Variants in LRRC8A observed in about 807,000 individuals in gnomAD.
LRRC8A encodes the protein volume-regulated anion channel subunit LRRC8A.
In LRRC8A, 24 loss-of-function variants were observed where a neutral mutation model predicts 52.5. That is an observed-to-expected ratio of 0.46 (90% CI 0.33 to 0.64). The LOEUF is 0.64. Among genes scored for constraint, LRRC8A ranks in the 30% least tolerant of loss-of-function variants. The pLI is 0.02. For missense variants in LRRC8A, 677 were observed against 1,094.7 expected (o/e 0.62, Z 5.38); for synonymous variants, 492 against 494.2 (o/e 1.00, Z 0.06).
chr9:128,910,323 G>A lies in LRRC8A; in HGVS notation c.2157+1002G>A, dbSNP rs554513875. Among the ~76,000 whole-genome samples, 3 of 152,302 alleles carry A rather than the reference G, an allele frequency of 2.0e-5. No individual in the cohort carries two copies. The South Asian group carries it at 6.2e-4, about 32-fold the overall frequency. ...CCCAGCCAGCCACCCTTCTGCCCCC[G>A]ACACAGCAGCAGCTGTCGTGCCGGG... On this transcript the variant is annotated intron_variant, in intron 3 of 3. Coordinates refer to ENST00000372600, the MANE Select transcript of LRRC8A (RefSeq NM_019594.4).
At chr9:128,913,145 G>A (rs1048664801) in intron 3 of LRRC8A, among the ~76,000 whole-genome samples, 8 of 152,140 alleles carry the variant, frequency 5.3e-5, no homozygotes, top group African/African-American at 1.9e-4. Flanking sequence ...GGCGAGGCCA[G>A]AGCGTGGGGC....
intron 3 of LRRC8A, chr9:128,912,641 T>A (rs1041380739): frequency 3.3e-5 from 5 of 152,272 alleles, no homozygotes; most frequent in African/African-American, 1.2e-4. Context: ...CAAGCAAGTG[T>A]TTACCGAATT....
At chr9:128,915,526 C>G (rs1349132859) in intron 3 of LRRC8A, among the ~76,000 whole-genome samples, 1 of 152,140 alleles carries the variant, frequency 6.6e-6, no homozygotes, top group Non-Finnish European at 1.5e-5. Context: ...GGGGTTTCAC[C>G]GTGTTAGCCA....
chr9:128,890,380 C>T lies in LRRC8A; in HGVS notation c.-9+4259C>T, dbSNP rs576878262. On this transcript the variant is annotated intron_variant, in intron 2 of 3. Transcript: ENST00000372600. ...TTAAATTGCTTGCTGCAATCTAAGC[C>T]TCACGCCTAGAGCAATGTTCCAGTG... is the stretch of plus-strand genomic sequence containing the variant. 5.9e-5 allele frequency among the ~76,000 whole-genome samples: 9 copies of T among 152,306 alleles called. No homozygotes were observed. The East Asian group carries it at 1.7e-3, about 29-fold the overall frequency.
chr9:128,886,572 G>A (rs1055232757), intron 2 of LRRC8A, among the ~76,000 whole-genome samples: 37 of 152,208 alleles, frequency 2.4e-4, no homozygotes, highest in African/African-American at 8.9e-4. Context: ...TCAGGATTGA[G>A]CTGATCACGA....
Position 128,908,739 on chromosome 9 carries a change from C to G in LRRC8A, c.1575C>G (p.Gly525=). Residue 525 remains glycine (G), a synonymous_variant, in exon 3 of 4, where the codon GGC becomes GGG. Coordinates refer to ENST00000372600, the MANE Select transcript of LRRC8A (RefSeq NM_019594.4). The stretch of plus-strand genomic sequence containing the variant: ...CACTGGAGGAGCTGCACCTGACGGG[C>G]AACCTGAGCGCGGAGAACAACCGCT... ...LKTLEELHLT[G]NLSAENNRYI... 3 of 1,613,216 alleles carry G rather than the reference C, an allele frequency of 1.9e-6. No homozygotes were observed. Among genetic ancestry groups the G allele is most frequent in the Non-Finnish European group, 2.5e-6 (3 of 1,180,044 alleles).
chr9:128,912,333 G>A lies in LRRC8A; in HGVS notation c.2157+3012G>A, dbSNP rs1199528316. 5.3e-5 allele frequency among the ~76,000 whole-genome samples: 8 copies of A among 152,178 alleles called. No homozygotes were observed. The South Asian group carries it at 1.0e-3, about 20-fold the overall frequency. On this transcript the variant is annotated intron_variant, in intron 3 of 3. Coordinates refer to ENST00000372600, the MANE Select transcript of LRRC8A (RefSeq NM_019594.4). ...GAGGCAGTTAGCACAGTGCGTAGGC[G>A]CTCTGCTGGAGCACCAGGTCCCTGG...
chr9:128,896,812 CCT>C, intron 2 of LRRC8A, among the ~76,000 whole-genome samples: 1 of 152,270 alleles, frequency 6.6e-6, no homozygotes, highest in East Asian at 1.9e-4. Context: ...ACCTCCGCCC[CCT>C]GAGTTCAAGG....
In LRRC8A at chr9:128,909,300, C is replaced by G; in HGVS notation, c.2136C>G (p.Asn712Lys). 6.2e-7 allele frequency: 1 copy of G among 1,613,436 alleles called. No homozygotes were observed. Among genetic ancestry groups the G allele is most frequent in the Non-Finnish European group, 8.5e-7 (1 of 1,179,974 alleles). ...TCGGCCTCCTGCAGAACCTCCAGAA[C>G]CTAGCCATCACGGCCAACCGGGTGA... ...ADIGLLQNLQ[N>K]LAITANRIET... Residue 712 changes from asparagine (N) to lysine (K), a missense_variant, in exon 3 of 4, where the codon AAC (asparagine) becomes AAG (lysine). This residue lies in a region of LRRC8A where 169 missense variants were observed against 217.6 expected (regional missense o/e 0.78). Transcript: ENST00000372600.
At chr9:128,890,491 C>T (rs76703183) in intron 2 of LRRC8A, among the ~76,000 whole-genome samples, 3,119 of 152,274 alleles carry the variant, frequency 0.02, 114 homozygotes, top group African/African-American at 0.071. Context: ...CGCCCTCTGA[C>T]GGGCAGCATG....
intron 2 of LRRC8A, among the ~76,000 whole-genome samples, chr9:128,905,456 C>T (rs1435777789): frequency 6.6e-6 from 1 of 152,194 alleles, no homozygotes; most frequent in East Asian, 1.9e-4. Flanking sequence ...CTGCGTGCCT[C>T]CTGTGTAGCA....
At chr9:128,913,246 G>A (rs1840639851) in intron 3 of LRRC8A, among the ~76,000 whole-genome samples, 1 of 152,176 alleles carries the variant, frequency 6.6e-6, no homozygotes, top group Non-Finnish European at 1.5e-5. Flanking sequence ...AGAGTGAGGA[G>A]AGAGACAGCG....
chr9:128,886,521 C>A (rs929567176), intron 2 of LRRC8A, among the ~76,000 whole-genome samples: 2 of 152,174 alleles, frequency 1.3e-5, no homozygotes, highest in Non-Finnish European at 2.9e-5. Flanking sequence ...TCTTGTTATC[C>A]TTGCTGCAGG....
chr9:128,891,552 T>C (rs894401008), intron 2 of LRRC8A, among the ~76,000 whole-genome samples: 13 of 152,024 alleles, frequency 8.6e-5, no homozygotes, highest in Non-Finnish European at 4.4e-5. Context: ...CAGCGCAAGA[T>C]CCTGTCTCAA....
intron 2 of LRRC8A, among the ~76,000 whole-genome samples, chr9:128,898,266 G>T (rs915823580): frequency 6.6e-6 from 1 of 152,030 alleles, no homozygotes; most frequent in African/African-American, 2.4e-5. Context: ...TGTCGCCCAG[G>T]CTGGAGGGCA....
intron 2 of LRRC8A, among the ~76,000 whole-genome samples, chr9:128,904,187 C>G (rs77400689): frequency 6.6e-6 from 1 of 152,150 alleles, no homozygotes; most frequent in East Asian, 1.9e-4. Flanking sequence ...AATCTAGGTT[C>G]TGGGTTACAG....
At position 128,899,527 on chromosome 9, in the gene LRRC8A, G is replaced by A. The variant is rs181315302; in HGVS notation, c.-8-7630G>A. On this transcript the variant is annotated intron_variant, in intron 2 of 3. Transcript: ENST00000372600. The surrounding 1 kb of genome is among the most constrained non-coding windows in gnomAD (Gnocchi z 4.0). ...GGCAGAAGACTTCTGTCTCTGAGCC[G>A]GTTTCCGTGGTTATAAAATGGACAC... is the stretch of plus-strand genomic sequence containing the variant. 1.6e-3 allele frequency among the ~76,000 whole-genome samples: 240 copies of A among 151,930 alleles called. 2 individuals are homozygous for A. The highest frequency in any genetic ancestry group is 0.014 in the Middle Eastern group (4 of 294).
chr9:128,916,474 C>A lies in LRRC8A; in HGVS notation c.*103C>A. On this transcript the variant is annotated 3_prime_UTR_variant, in exon 4 of 4. Coordinates refer to ENST00000372600, the MANE Select transcript of LRRC8A (RefSeq NM_019594.4). This position sits in a 1 kb window ranked among gnomAD's most constrained non-coding sequence, Gnocchi z 6.1. ...CAGAACTCCCGGACAGCCAGGACAG[C>A]CTCGTGGCTGGGCAGGAGCCTGGGG... 7.1e-7 allele frequency: 1 copy of A among 1,403,260 alleles called. No homozygotes were observed. 86.9% of individuals were successfully genotyped at this position (1,403,260 alleles called of 1,614,324 possible).
intron 2 of LRRC8A, among the ~76,000 whole-genome samples, chr9:128,903,006 C>T (rs1336277097): frequency 6.6e-6 from 1 of 152,134 alleles, no homozygotes; most frequent in Non-Finnish European, 1.5e-5. Flanking sequence ...CTTGGGCAGG[C>T]GGAGGGCAAG....
Sources: gnomAD v4.1 joint callset for allele counts (sites outside exome capture counted in the v4.1 genomes callset) on GRCh38, gnomAD v4.1.1 for gene constraint, gnomAD v4.1.1 regional missense constraint, Gnocchi (gnomAD v3.1) non-coding constraint, MANE v1.5 for transcripts, NCBI Gene and HGNC (gene_info 2026-07-23, HGNC 2026-07-21) for gene names.